The following NEK11 variants were observed in gnomAD, a reference collection of about 807,000 sequenced individuals.
The protein encoded by NEK11 is serine/threonine-protein kinase Nek11.
Under a neutral mutation model 80.7 loss-of-function variants are expected in NEK11, and 72 were observed. That is an observed-to-expected ratio of 0.89 (90% CI 0.74 to 1.08). The LOEUF (loss-of-function observed/expected upper bound fraction) is 1.08, where lower values mean the gene tolerates loss of function less well. Ranked by LOEUF, NEK11 falls within the 50% of genes least tolerant of loss-of-function variation. NEK11 has a pLI of 0.00. For missense variants in NEK11, 764 were observed against 763.6 expected, an observed-to-expected ratio of 1.00 and a Z score of -0.01; for synonymous variants, 251 against 260.7, an observed-to-expected ratio of 0.96 and a Z score of 0.36.
chr3:131,123,709 C>CTTTGGAATGTT (rs1490404517), intron 5 of NEK11, among the ~76,000 whole-genome samples: 2 of 151,808 alleles, frequency 1.3e-5, no homozygotes, highest in Non-Finnish European at 2.9e-5. Context: ...AGGTGAGTTT[C>CTTTGGAATGTT]TTTGGAATGT....
intron 14 of NEK11, among the ~76,000 whole-genome samples, chr3:131,223,847 C>T (rs918949141): frequency 9.2e-5 from 14 of 152,098 alleles, no homozygotes; most frequent in African/African-American, 2.4e-4. Flanking sequence ...AGAAAGGAAA[C>T]CACAGAGAGG....
intron 16 of NEK11, among the ~76,000 whole-genome samples, chr3:131,259,293 G>A (rs1237577724): frequency 6.6e-6 from 1 of 152,146 alleles, no homozygotes; most frequent in African/African-American, 2.4e-5. Flanking sequence ...CCACAGGGTT[G>A]ACAACAACTT....
intron 17 of NEK11, among the ~76,000 whole-genome samples, chr3:131,309,728 C>T (rs1464381016): frequency 6.6e-6 from 1 of 151,528 alleles, no homozygotes; most frequent in Non-Finnish European, 1.5e-5. Context: ...CCCTTTTGTT[C>T]AGAAATAAGA....
chr3:131,185,198 T>G (rs2093549359), intron 14 of NEK11, among the ~76,000 whole-genome samples: 1 of 152,138 alleles, frequency 6.6e-6, no homozygotes, highest in South Asian at 2.1e-4. Flanking sequence ...CGTGAAAATA[T>G]TTTTTTAGTG....
At chr3:131,209,335 C>T (rs1194916543) in intron 14 of NEK11, among the ~76,000 whole-genome samples, 1 of 152,086 alleles carries the variant, frequency 6.6e-6, no homozygotes, top group East Asian at 1.9e-4. Flanking sequence ...CCAACGTGAC[C>T]GTGGTGGATA....
chr3:131,152,731 C>T (rs1469852785), intron 9 of NEK11, 22 bp downstream of exon 9: 15 of 1,527,650 alleles, frequency 9.8e-6, no homozygotes, highest in Non-Finnish European at 1.3e-5. Flanking sequence ...GAAAGGGATT[C>T]TGGGAAACAG....
intron 4 of NEK11, among the ~76,000 whole-genome samples, chr3:131,087,227 T>G (rs973931989): frequency 3.4e-5 from 5 of 146,972 alleles, no homozygotes; most frequent in Non-Finnish European, 6.0e-5. Flanking sequence ...GGAAGAAATA[T>G]GCAAATTCTT....
intron 4 of NEK11, among the ~76,000 whole-genome samples, chr3:131,105,590 C>T (rs979319114): frequency 6.6e-6 from 1 of 152,166 alleles, no homozygotes; most frequent in Non-Finnish European, 1.5e-5. Flanking sequence ...GAAGCAGGCA[C>T]TTCTTCACAG....
chr3:131,297,740 T>C (rs1385557800), intron 17 of NEK11, among the ~76,000 whole-genome samples: 1 of 152,170 alleles, frequency 6.6e-6, no homozygotes, highest in African/African-American at 2.4e-5. Flanking sequence ...TCCTTGCCCA[T>C]GCCTATGTCC....
intron 14 of NEK11, among the ~76,000 whole-genome samples, chr3:131,215,620 A>G (rs1341791966): frequency 6.6e-6 from 1 of 152,166 alleles, no homozygotes; most frequent in East Asian, 1.9e-4. Flanking sequence ...TTGATTGGAT[A>G]CATCCTTTGA....
rs1391542825 is a variant in NEK11 at position 131,109,865 on chromosome 3, T to C, written c.399T>C (p.Asn133=). The change falls in exon 5 of 18, where the codon AAT becomes AAC. Residue 133 remains asparagine, a synonymous_variant. Coordinates refer to ENST00000383366, the MANE Select transcript of NEK11 (RefSeq NM_024800.5). ...YKQAGKIFPE[N]QIIEWFIQLL... ...AAGCTGGAAAAATCTTTCCAGAAAA[T>C]CAAATAATAGAATGGTTTATCCAGC... 3.7e-6 allele frequency: 6 copies of C among 1,604,910 alleles called. No individual in the cohort carries two copies. The highest frequency in any genetic ancestry group is 3.4e-5 in the Admixed American group (2 of 58,276).
intron 14 of NEK11, among the ~76,000 whole-genome samples, chr3:131,222,483 A>G (rs558275618): frequency 6.6e-6 from 1 of 152,182 alleles, no homozygotes; most frequent in East Asian, 1.9e-4. Context: ...TCTATCAACA[A>G]AATGGGAGTA....
intron 5 of NEK11, among the ~76,000 whole-genome samples, chr3:131,118,951 T>A (rs994400164): frequency 6.6e-6 from 1 of 152,166 alleles, no homozygotes; most frequent in Admixed American, 6.5e-5. Context: ...TTTGAAGGGT[T>A]TTTTGTGTCT....
In NEK11 at chr3:131,228,622, G is replaced by T. The variant is rs138864243; in HGVS notation, c.1494G>T (p.Ala498=). ...GTGATGAGGAGGAAGAAGAAATAGC[G>T]TTAGAAAGACCAGAGAAAGAAATCA... is the stretch of plus-strand genomic sequence containing the variant. The part of the protein sequence containing the change: ...EESDEEEEEI[A]LERPEKEIRN... The change falls in exon 15 of 18, where the codon GCG becomes GCT. Residue 498 remains alanine, a synonymous_variant. Transcript: ENST00000383366. 2 of 1,613,642 alleles carry T rather than the reference G, an allele frequency of 1.2e-6. No individual in the cohort carries two copies. The highest frequency in any genetic ancestry group is 1.7e-6 in the Non-Finnish European group (2 of 1,179,704).
At chr3:131,215,989 T>G (rs2094822047) in intron 14 of NEK11, among the ~76,000 whole-genome samples, 1 of 152,238 alleles carries the variant, frequency 6.6e-6, no homozygotes, top group Admixed American at 6.5e-5. Flanking sequence ...TATTGAGCAC[T>G]TGAAAAGTAG....
intron 5 of NEK11, among the ~76,000 whole-genome samples, chr3:131,129,407 T>C (rs2149550812): frequency 6.6e-6 from 1 of 152,314 alleles, no homozygotes; most frequent in East Asian, 1.9e-4. Context: ...CTGTGGCTTA[T>C]CTTTTTATTC....
At chr3:131,181,762 A>AG (rs1269298780) in intron 14 of NEK11, among the ~76,000 whole-genome samples, 121 of 151,046 alleles carry the variant, frequency 8.0e-4, no homozygotes, top group African/African-American at 2.7e-3. Context: ...AAAAAAAAAA[A>AG]AAAAGAAAAG....
In NEK11 at chr3:131,093,927, G is replaced by C. The variant is rs566826765; in HGVS notation, c.336+13339G>C. 2.0e-5 allele frequency among the ~76,000 whole-genome samples: 3 copies of C among 150,462 alleles called. No individual in the cohort carries two copies. The South Asian group carries it at 6.5e-4, about 32-fold the overall frequency. On this transcript the variant is annotated intron_variant, in intron 4 of 17. Transcript: ENST00000383366. The stretch of plus-strand genomic sequence containing the variant: ...GAAAACAAAGAGGAAAGGGAACAAA[G>C]ATTTCATAGTGACAGAGGAGAACAG...
chr3:131,098,085 G>A (rs1157193794), intron 4 of NEK11, among the ~76,000 whole-genome samples: 1 of 149,938 alleles, frequency 6.7e-6, no homozygotes, highest in African/African-American at 2.4e-5. Context: ...ATGGTTCTGG[G>A]AAAACTGGCT....
Sources: allele counts gnomAD v4.1 joint callset (sites outside exome capture counted in the v4.1 genomes callset), GRCh38; gene constraint gnomAD v4.1.1; transcripts MANE v1.5; gene names NCBI Gene and HGNC (gene_info 2026-07-23, HGNC 2026-07-21).